DYRK1A: variants seen among roughly 807,000 people sequenced by gnomAD.
DYRK1A encodes dual specificity tyrosine phosphorylation regulated kinase 1A.
In DYRK1A, 9 loss-of-function variants were observed where a neutral mutation model predicts 79.7. That is an observed-to-expected ratio of 0.11 (90% confidence interval 0.07 to 0.20). DYRK1A has a LOEUF of 0.20. Among genes scored for constraint, DYRK1A ranks in the 10% least tolerant of loss-of-function variants. DYRK1A has a pLI of 1.00. For missense variants in DYRK1A, 622 were observed against 956.0 expected, an observed-to-expected ratio of 0.65 and a Z score of 4.61; for synonymous variants, 349 against 329.7, an observed-to-expected ratio of 1.06 and a Z score of -0.63.
At chr21:37,438,624 T>G (rs1435547590) in intron 2 of DYRK1A, among the ~76,000 whole-genome samples, 3 of 152,196 alleles carry the variant, frequency 2.0e-5, no homozygotes, top group Non-Finnish European at 4.4e-5. Context: ...TTGTCAAAAA[T>G]CAGTCTTCCA....
chr21:37,456,511 C>T (rs991988014), intron 2 of DYRK1A, among the ~76,000 whole-genome samples: 10 of 152,186 alleles, frequency 6.6e-5, no homozygotes, highest in Admixed American at 1.3e-4. Context: ...TTGGAAAGAA[C>T]GTCCTCGAGC....
chr21:37,475,599 G>A (rs1032065519), intron 3 of DYRK1A, among the ~76,000 whole-genome samples: 2 of 152,154 alleles, frequency 1.3e-5, no homozygotes, highest in Non-Finnish European at 2.9e-5. Flanking sequence ...TGTATTTTGA[G>A]CATCTCAATG....
chr21:37,512,663 A>ATTTT lies in DYRK1A; in HGVS notation c.*139_*142dup. 1 of 935,954 alleles carries ATTTT rather than the reference A, an allele frequency of 1.1e-6. No homozygotes were observed. The highest frequency in any genetic ancestry group is 1.5e-6 in the Non-Finnish European group (1 of 648,796). 58.0% of individuals were successfully genotyped at this position (935,954 alleles called of 1,614,324 possible). A position where few individuals can be genotyped will look rare whatever the true frequency, so the allele number is the denominator to read the frequency against. ...GAACCGCTACAAGAGGGCAAAGCTG[A>ATTTT]TTTTTTTTTTAACTTGAAAAGATTG... On this transcript the variant is annotated 3_prime_UTR_variant, in exon 12 of 12. Coordinates refer to ENST00000647188, the MANE Select transcript of DYRK1A (RefSeq NM_001347721.2).
In DYRK1A at chr21:37,511,895, A is replaced by G; in HGVS notation, c.1645-16A>G. On this transcript the variant is annotated splice_polypyrimidine_tract_variant and intron_variant, in intron 11 of 11. Transcript: ENST00000647188. ...ACAGTCCTCTGAAAAATCCTTTTAAAAATCTGTTCTTTCAGGTGCGTCAGC... is the reference window on the plus strand; with the variant it reads ...ACAGTCCTCTGAAAAATCCTTTTAAGAATCTGTTCTTTCAGGTGCGTCAGC... 6.2e-7 allele frequency: 1 copy of G among 1,602,962 alleles called. No homozygotes were observed. Among genetic ancestry groups the G allele is most frequent in the East Asian group, 2.2e-5 (1 of 44,656 alleles).
At chr21:37,442,755 A>G (rs2051147056) in intron 2 of DYRK1A, among the ~76,000 whole-genome samples, 1 of 152,008 alleles carries the variant, frequency 6.6e-6, no homozygotes, top group South Asian at 2.1e-4. Flanking sequence ...TTTCATTTCT[A>G]GTTCAATTTG....
Position 37,418,770 on chromosome 21 carries a change from C to T in DYRK1A, c.-76-1529C>T, listed in dbSNP as rs575278492. 1.4e-4 allele frequency: 21 copies of T among 152,242 alleles called. No individual in the cohort carries two copies. The South Asian group carries it at 3.7e-3, about 27-fold the overall frequency. 9.4% of individuals were successfully genotyped at this position (152,242 alleles called of 1,614,324 possible). A position where few individuals can be genotyped will look rare whatever the true frequency, so the allele number is the denominator to read the frequency against. ...TGTTCATCCATCTAGTCATACACCC[C>T]CCACAATATGATACCAGCTAGTTGT... On this transcript the variant is annotated intron_variant, in intron 1 of 11. Transcript: ENST00000647188.
At chr21:37,484,443 C>T (rs547998882) in intron 5 of DYRK1A, among the ~76,000 whole-genome samples, 1 of 151,714 alleles carries the variant, frequency 6.6e-6, no homozygotes, top group African/African-American at 2.4e-5. Context: ...ATTCTCCTGC[C>T]TCAGCCTCTT....
intron 1 of DYRK1A, among the ~76,000 whole-genome samples, chr21:37,404,628 A>G (rs1386418043): frequency 6.6e-6 from 1 of 152,214 alleles, no homozygotes; most frequent in African/African-American, 2.4e-5. Context: ...TCGTTTCACC[A>G]TGTTGGGAAA....
intron 1 of DYRK1A, among the ~76,000 whole-genome samples, chr21:37,417,135 G>T (rs557272492): frequency 1.3e-5 from 2 of 152,196 alleles, no homozygotes; most frequent in African/African-American, 4.8e-5. Context: ...TGCCTGTCAT[G>T]CTGATGCATT....
At chr21:37,502,250 T>A (rs568649996) in intron 9 of DYRK1A, 1 of 152,362 alleles carries the variant, frequency 6.6e-6, no homozygotes, top group East Asian at 1.9e-4. Context: ...AGTCTGTTAG[T>A]GGTTAACCCA....
At chr21:37,420,548 C>T (rs939063674) in intron 2 of DYRK1A, among the ~76,000 whole-genome samples, 164 bp downstream of exon 2, 2 of 152,060 alleles carry the variant, frequency 1.3e-5, no homozygotes, top group African/African-American at 4.8e-5. Context: ...TACTTTTGAA[C>T]TCAGATTGAT....
At chr21:37,400,092 G>C (rs2050026106) in intron 1 of DYRK1A, among the ~76,000 whole-genome samples, 1 of 152,148 alleles carries the variant, frequency 6.6e-6, no homozygotes, top group South Asian at 2.1e-4. Context: ...CTGTAGGAGA[G>C]AGCCACTTGC....
At position 37,440,938 on chromosome 21, in the gene DYRK1A, A is replaced by G. The variant is rs190312244; in HGVS notation, c.10+20554A>G. 2.6e-4 allele frequency among the ~76,000 whole-genome samples: 39 copies of G among 152,250 alleles called. No individual in the cohort carries two copies. The East Asian group carries it at 7.3e-3, about 29-fold the overall frequency. On this transcript the variant is annotated intron_variant, in intron 2 of 11. Coordinates refer to ENST00000647188, the MANE Select transcript of DYRK1A (RefSeq NM_001347721.2). The stretch of plus-strand genomic sequence containing the variant: ...CAACTTGGTCGGTAGTGTTGATCAG[A>G]TCTTGTATATCTTTATTGATTTTCT...
At position 37,512,015 on chromosome 21, in the gene DYRK1A, C is replaced by T; in HGVS notation, c.1749C>T (p.Ala583=). ...HPVQETTFHV[A]PQQNALHHHH... ...TTCAAGAAACAACCTTTCATGTAGC[C>T]CCTCAACAGAATGCATTGCATCATC... is the stretch of plus-strand genomic sequence containing the variant. The change falls in exon 12 of 12, where the codon GCC becomes GCT. Residue 583 remains alanine (A), a synonymous_variant. Coordinates refer to ENST00000647188, the MANE Select transcript of DYRK1A (RefSeq NM_001347721.2). 1 of 1,614,116 alleles carries T rather than the reference C, an allele frequency of 6.2e-7. No individual in the cohort carries two copies. Among genetic ancestry groups the T allele is most frequent in the Non-Finnish European group, 8.5e-7 (1 of 1,180,032 alleles).
intron 1 of DYRK1A, among the ~76,000 whole-genome samples, chr21:37,368,424 A>G (rs1196127750): frequency 6.6e-6 from 1 of 152,136 alleles, no homozygotes; most frequent in Non-Finnish European, 1.5e-5. Flanking sequence ...CCCTAATCTG[A>G]AATAGTTAAA....
chr21:37,434,201 T>C (rs561087851), intron 2 of DYRK1A, among the ~76,000 whole-genome samples: 5 of 152,256 alleles, frequency 3.3e-5, no homozygotes, highest in African/African-American at 1.2e-4. Flanking sequence ...CTTAATGAAA[T>C]ATACTTTACA....
At position 37,511,919 on chromosome 21, in the gene DYRK1A, G is replaced by A. The variant is rs1372630953; in HGVS notation, c.1653G>A (p.Gln551=). The change falls in exon 12 of 12, where the codon CAG becomes CAA. Residue 551 remains glutamine, a synonymous_variant. Coordinates refer to ENST00000647188, the MANE Select transcript of DYRK1A (RefSeq NM_001347721.2). ...AAAATCTGTTCTTTCAGGTGCGTCA[G>A]CAATTTCCTGCTCCTCTTGGTTGGT... The part of the protein sequence containing the change: ...DCETHSPQVR[Q]QFPAPLGWSG... 2.5e-6 allele frequency: 4 copies of A among 1,609,878 alleles called. No homozygotes were observed. Among genetic ancestry groups the A allele is most frequent in the Non-Finnish European group, 3.4e-6 (4 of 1,176,620 alleles).
chr21:37,385,488 A>G (rs2049742143), intron 1 of DYRK1A, among the ~76,000 whole-genome samples: 1 of 152,134 alleles, frequency 6.6e-6, no homozygotes, highest in African/African-American at 2.4e-5. Flanking sequence ...TACTTTTGCA[A>G]AGCCAGTAAA....
chr21:37,430,547 T>C, intron 2 of DYRK1A: 1 of 352,028 alleles, frequency 2.8e-6, no homozygotes, highest in Non-Finnish European at 4.0e-6. Context: ...TCCTCTGTCA[T>C]CATTTTGCCT....
Sources: gnomAD v4.1 joint callset for allele counts (sites outside exome capture counted in the v4.1 genomes callset) on GRCh38, gnomAD v4.1.1 for gene constraint, MANE v1.5 for transcripts, NCBI Gene and HGNC (gene_info 2026-07-23, HGNC 2026-07-21) for gene names.